Variants in NPAT observed in about 807,000 individuals in gnomAD.
NPAT encodes nuclear protein, coactivator of histone transcription, also known as protein NPAT.
A neutral mutation model predicts 130.7 loss-of-function variants in NPAT; 52 were observed. The ratio of observed to expected loss-of-function variants is 0.40; its 90% CI spans 0.32 to 0.50. The LOEUF (loss-of-function observed/expected upper bound fraction) is 0.50, where lower values mean the gene tolerates loss of function less well. Among genes scored for constraint, NPAT ranks in the 20% least tolerant of loss-of-function variants. NPAT has a pLI of 0.68. For synonymous variants in NPAT, 580 were observed against 584.8 expected (o/e 0.99, Z 0.12); for missense variants, 1,687 against 1,662.6 (o/e 1.01, Z -0.26).
intron 17 of NPAT, among the ~76,000 whole-genome samples, chr11:108,160,182 A>G (rs1054572974): frequency 1.8e-4 from 28 of 151,690 alleles, no homozygotes; most frequent in Non-Finnish European, 3.4e-4. Context: ...TATTAGCCAG[A>G]TGCAGTGGCG....
At chr11:108,198,026 A>G (rs2078240320) in intron 1 of NPAT, among the ~76,000 whole-genome samples, 1 of 152,208 alleles carries the variant, frequency 6.6e-6, no homozygotes, top group Non-Finnish European at 1.5e-5. Context: ...TGGCTGAACT[A>G]AAGCATGCCC....
chr11:108,200,025 T>C (rs1166722454), intron 1 of NPAT, among the ~76,000 whole-genome samples: 1 of 152,194 alleles, frequency 6.6e-6, no homozygotes, highest in African/African-American at 2.4e-5. Context: ...AACAACTTGG[T>C]TTTTGTCTGT....
intron 13 of NPAT, 85 bp downstream of exon 13, chr11:108,172,114 T>C (rs777157688): frequency 7.9e-6 from 9 of 1,137,806 alleles, no homozygotes; most frequent in Middle Eastern, 2.0e-4. Flanking sequence ...TCATTAGTTA[T>C]TACTTCGCAG....
At chr11:108,170,651 CT>C (rs2077941922) in intron 13 of NPAT, among the ~76,000 whole-genome samples, 1 of 152,214 alleles carries the variant, frequency 6.6e-6, no homozygotes, top group Non-Finnish European at 1.5e-5. Context: ...AAACTTTTGC[CT>C]AATACACTAC....
At chr11:108,188,322 G>A in intron 6 of NPAT, 143 bp from the exon 7 acceptor site, 5 of 684,676 alleles carry the variant, frequency 7.3e-6, no homozygotes, top group South Asian at 1.6e-5. Context: ...GTAAAGCATG[G>A]TAAAAGACAC....
chr11:108,184,267 G>C (rs1474439892), intron 10 of NPAT, among the ~76,000 whole-genome samples: 6 of 151,812 alleles, frequency 4.0e-5, no homozygotes, highest in African/African-American at 1.5e-4. Flanking sequence ...GTCAGGAGAG[G>C]GAGACCATCC....
At position 108,158,610 on chromosome 11, in the gene NPAT, AAC is replaced by A. The variant is rs2077816919; in HGVS notation, c.*330_*331del. On this transcript the variant is annotated 3_prime_UTR_variant, in exon 18 of 18. Transcript: ENST00000278612. The stretch of plus-strand genomic sequence containing the variant: ...AATTAGGGATCATAAGAAGTCAAAA[AAC>A]ACAGTGTAAGAACATTAGGTTGATT... 1 of 189,692 alleles carries A rather than the reference AAC, an allele frequency of 5.3e-6. No homozygotes were observed. The highest frequency in any genetic ancestry group is 5.6e-5 in the Admixed American group (1 of 17,724). 11.8% of individuals were successfully genotyped at this position (189,692 alleles called of 1,614,324 possible). A position where few individuals can be genotyped will look rare whatever the true frequency, so the allele number is the denominator to read the frequency against.
At chr11:108,215,628 C>T (rs569144740) in intron 1 of NPAT, among the ~76,000 whole-genome samples, 2 of 152,278 alleles carry the variant, frequency 1.3e-5, no homozygotes, top group South Asian at 4.1e-4. Flanking sequence ...GGTGAAAAAC[C>T]TAATAAGGTT....
intron 15 of NPAT, among the ~76,000 whole-genome samples, chr11:108,166,209 T>G (rs536766279): frequency 2.0e-5 from 3 of 152,070 alleles, no homozygotes; most frequent in South Asian, 2.1e-4. Context: ...TTGGCCAAGA[T>G]AGTGAAACCC....
intron 10 of NPAT, among the ~76,000 whole-genome samples, chr11:108,183,035 T>C (rs906677830): frequency 2.0e-5 from 3 of 152,266 alleles, no homozygotes; most frequent in Non-Finnish European, 2.9e-5. Flanking sequence ...GGCTGGAGTA[T>C]AGTGGTGAAA....
intron 1 of NPAT, among the ~76,000 whole-genome samples, chr11:108,213,629 C>G (rs1183936211): frequency 2.0e-5 from 3 of 152,178 alleles, no homozygotes; most frequent in Non-Finnish European, 4.4e-5. Flanking sequence ...TCTCAACTGC[C>G]TTTTGTGCAG....
intron 1 of NPAT, chr11:108,208,639 C>T (rs2078353280): frequency 3.3e-6 from 1 of 307,412 alleles, no homozygotes; most frequent in Admixed American, 4.6e-5. Context: ...CATAAATACA[C>T]CTAACTGAGC....
intron 3 of NPAT, among the ~76,000 whole-genome samples, chr11:108,193,396 T>TA (rs2078189635): frequency 6.6e-6 from 1 of 152,188 alleles, no homozygotes; most frequent in Non-Finnish European, 1.5e-5. Flanking sequence ...TTTGCTAACA[T>TA]AAAGATTGTT....
At chr11:108,165,689 G>T (rs1047512550) in intron 15 of NPAT, among the ~76,000 whole-genome samples, 5 of 150,456 alleles carry the variant, frequency 3.3e-5, no homozygotes, top group Non-Finnish European at 7.4e-5. Flanking sequence ...GGAGTGCAGT[G>T]GCACGATCTT....
Position 108,183,895 on chromosome 11 carries a change from C to G in NPAT, c.906+1337G>C, listed in dbSNP as rs78273000. ...GGCTGAGATGGGAGTATCACTTGAG[C>G]TGGGGGAGATCAAGGCTGCTGTGAG... is the stretch of plus-strand genomic sequence containing the variant. On this transcript the variant is annotated intron_variant, in intron 10 of 17. Transcript: ENST00000278612. 5.9e-3 allele frequency among the ~76,000 whole-genome samples: 903 copies of G among 151,868 alleles called. 10 individuals are homozygous for G. Among genetic ancestry groups the G allele is most frequent in the African/African-American group, 0.021 (854 of 41,394 alleles).
intron 12 of NPAT, among the ~76,000 whole-genome samples, chr11:108,175,699 G>A (rs889089822): frequency 2.0e-5 from 3 of 152,206 alleles, no homozygotes; most frequent in African/African-American, 7.2e-5. Flanking sequence ...AGGACAGGAT[G>A]TGAATGAACA....
intron 3 of NPAT, 73 bp from the exon 4 acceptor site, chr11:108,192,263 C>A (rs2078177143): frequency 8.6e-6 from 8 of 932,280 alleles, no homozygotes; most frequent in Non-Finnish European, 1.2e-5. Context: ...AACAAAGACA[C>A]ACAAAAAACC....
intron 1 of NPAT, among the ~76,000 whole-genome samples, chr11:108,205,968 T>C (rs1464597768): frequency 6.6e-6 from 1 of 152,088 alleles, no homozygotes; most frequent in Non-Finnish European, 1.5e-5. Context: ...TCTCTTGAAC[T>C]GGGGAGGCAG....
At chr11:108,191,081 C>A (rs2056267) in intron 4 of NPAT, among the ~76,000 whole-genome samples, 93,647 of 152,010 alleles carry the variant, frequency 0.62, 29,109 homozygotes, top group Middle Eastern at 0.76. Context: ...AAAAAATGAA[C>A]AGAAGATAAT....
Sources: allele counts gnomAD v4.1 joint callset (sites outside exome capture counted in the v4.1 genomes callset), GRCh38; gene constraint gnomAD v4.1.1; transcripts MANE v1.5; gene names NCBI Gene and HGNC (gene_info 2026-07-23, HGNC 2026-07-21).